SAMD11: variants seen among roughly 807,000 people sequenced by gnomAD.
SAMD11 encodes the protein sterile alpha motif domain containing 11, also known as sterile alpha motif domain-containing protein 11.
In SAMD11, 77 loss-of-function variants were observed where a neutral mutation model predicts 64.4. The observed-to-expected ratio is 1.20, with a 90% CI of 0.99 to 1.44. The LOEUF (loss-of-function observed/expected upper bound fraction) is 1.44. Ranked by LOEUF, SAMD11 falls within the 40% of genes most tolerant of loss-of-function variation. The pLI is 0.00. For synonymous variants in SAMD11, 658 were observed against 421.9 expected (o/e 1.56, Z -6.86); for missense variants, 1,402 against 943.3 (o/e 1.49, Z -6.37).
intron 5 of SAMD11, among the ~76,000 whole-genome samples, chr1:937,111 C>T (rs1641497319): frequency 6.6e-6 from 1 of 152,176 alleles, no homozygotes; most frequent in Non-Finnish European, 1.5e-5. Flanking sequence ...CCCATACGCA[C>T]TCCGTGTCAG....
chr1:935,544 G>A (rs1047675199), intron 4 of SAMD11, among the ~76,000 whole-genome samples: 18 of 152,218 alleles, frequency 1.2e-4, no homozygotes, highest in African/African-American at 3.1e-4. Context: ...TGGAGCAGCC[G>A]TGGGGTCCCA....
intron 1 of SAMD11, among the ~76,000 whole-genome samples, chr1:925,442 A>G (rs1640834477): frequency 6.6e-6 from 1 of 151,402 alleles, no homozygotes; most frequent in Non-Finnish European, 1.5e-5. Context: ...CAAGGGTGCG[A>G]CGCGGGGGCG....
intron 7 of SAMD11, among the ~76,000 whole-genome samples, chr1:940,114 A>G (rs527431467): frequency 2.3e-4 from 35 of 152,254 alleles, no homozygotes; most frequent in African/African-American, 8.2e-4. Flanking sequence ...GATTCCTCAC[A>G]CCAGGCACCG....
rs746467130 is a variant in SAMD11, at chr1:943,269, C to T, written c.2070C>T (p.Leu690=). 6.2e-7 allele frequency: 1 copy of T among 1,612,882 alleles called. No homozygotes were observed. Among genetic ancestry groups the T allele is most frequent in the East Asian group, 2.2e-5 (1 of 44,838 alleles). Residue 690 remains leucine (L), a synonymous_variant, in exon 12 of 14, where the codon CTC becomes CTT. Transcript: ENST00000616016. ...ACAACTCAGGCGCGGTAGGGGGACT[C>T]TCCATGGATGGGGAGGAGGCCCCAG... is the stretch of plus-strand genomic sequence containing the variant. ...PYFHTGAVGG[L]SMDGEEAPAP...
intron 5 of SAMD11, among the ~76,000 whole-genome samples, chr1:937,361 C>G (rs1641510304): frequency 2.0e-5 from 3 of 152,008 alleles, no homozygotes; most frequent in South Asian, 4.2e-4. Context: ...CCTCATCGGC[C>G]TTCCTGCGGT....
In SAMD11 at chr1:943,331, T is replaced by C. The variant is rs772197114; in HGVS notation, c.2132T>C (p.Val711Ala). ...EDVTKWTVDD[V>A]CSFVGGLSGC... Reference sequence around the variant, plus strand: ...GTCACCAAGTGGACCGTGGATGACGTCTGCAGCTTCGTGGGGGGCCTGTCT... The same window carrying C: ...GTCACCAAGTGGACCGTGGATGACGCCTGCAGCTTCGTGGGGGGCCTGTCT... The change falls in exon 12 of 14, where the codon GTC becomes GCC. Residue 711 changes from valine to alanine, a missense_variant. Val to Ala is a moderately conservative substitution (Grantham distance 64). Transcript: ENST00000616016. The C allele has an allele frequency of 4.5e-5, 72 of 1,604,484 alleles. No homozygotes were observed. Among genetic ancestry groups the C allele is most frequent in the Non-Finnish European group, 7.7e-6 (9 of 1,175,116 alleles).
rs1569899888 is a variant in SAMD11, at chr1:938,932, A to G, written c.968-108A>G. On this transcript the variant is annotated intron_variant, in intron 5 of 13. Transcript: ENST00000616016. Reference sequence around the variant, plus strand: ...GGCAAGGCCTGTACTCACCAGGACCAAGGGCCCCCTGAGAGATGGTGGGTG... The same window carrying G: ...GGCAAGGCCTGTACTCACCAGGACCGAGGGCCCCCTGAGAGATGGTGGGTG... The G allele has an allele frequency of 7.1e-6, 7 of 988,472 alleles. No homozygotes were observed. The East Asian group carries it at 1.8e-4, about 26-fold the overall frequency. The allele number at this position is 988,472 out of a possible 1,614,324, so 61.2% of individuals were successfully genotyped here.
chr1:944,236 T>C lies in SAMD11; in HGVS notation c.*83T>C, dbSNP rs920401695. On this transcript the variant is annotated 3_prime_UTR_variant, in exon 14 of 14. Coordinates refer to ENST00000616016, the MANE Select transcript of SAMD11 (RefSeq NM_001385641.1). Reference sequence around the variant, plus strand: ...ATGGCCCTGCCTCCCACCGCTTTATTTCTTTCGGTTTCGGATGCAAAACAA... The same window carrying C: ...ATGGCCCTGCCTCCCACCGCTTTATCTCTTTCGGTTTCGGATGCAAAACAA... 4 of 1,457,686 alleles carry C rather than the reference T, an allele frequency of 2.7e-6. No individual in the cohort carries two copies. The highest frequency in any genetic ancestry group is 2.9e-5 in the African/African-American group (2 of 69,798). 90.3% of individuals were successfully genotyped at this position (1,457,686 alleles called of 1,614,324 possible).
chr1:943,210 G>A (rs1484690771), intron 11 of SAMD11, 43 bp from the exon 12 acceptor site: 2 of 1,611,038 alleles, frequency 1.2e-6, no homozygotes, highest in Non-Finnish European at 1.7e-6. Flanking sequence ...GGGCGGGTAT[G>A]GGAAAGCCAG....
intron 1 of SAMD11, 48 bp from the exon 2 acceptor site, chr1:925,874 C>CAG: frequency 7.1e-7 from 1 of 1,408,584 alleles, no homozygotes; most frequent in Non-Finnish European, 1.0e-6. Context: ...TGACTGCGCG[C>CAG]AGAAGCGTGC....
chr1:942,191 C>A lies in SAMD11; in HGVS notation c.1414C>A (p.Leu472Met). The change falls in exon 9 of 14, where the codon CTG becomes ATG. Residue 472 changes from leucine to methionine, a missense_variant. Physicochemically the swap from Leu to Met is conservative, Grantham distance 15. Transcript: ENST00000616016. ...GCCGCAGAATGCCCCTCACGTCGCC[C>A]TGGGCCCCCATCTCAGGCCCCCCTT... The part of the protein sequence containing the change: ...LSPQNAPHVA[L>M]GPHLRPPFLG... The A allele has an allele frequency of 7.2e-7, 1 of 1,398,136 alleles. No homozygotes were observed. The highest frequency in any genetic ancestry group is 9.3e-7 in the Non-Finnish European group (1 of 1,075,266). 86.6% of individuals were successfully genotyped at this position (1,398,136 alleles called of 1,614,324 possible). A position where few individuals can be genotyped will look rare whatever the true frequency, so the allele number is the denominator to read the frequency against.
rs74047413 is a variant in SAMD11 at position 939,285 on chromosome 1, G to A, written c.1068G>A (p.Leu356=). 3.4e-3 allele frequency: 5,419 copies of A among 1,604,432 alleles called. 124 individuals are homozygous for A. The African/African-American group carries it at 0.054, about 16-fold the overall frequency. ...GGTCCTCCCCAGCAGAGGCGCTGCTGCTGCCGCGGGAGCTGGGGCCCAGCA... is the reference window on the plus strand; with the variant it reads ...GGTCCTCCCCAGCAGAGGCGCTGCTACTGCCGCGGGAGCTGGGGCCCAGCA... The part of the protein sequence containing the change: ...ARSESPQEAL[L]LPRELGPSMA... Residue 356 remains leucine (L), a synonymous_variant, in exon 7 of 14, where the codon CTG becomes CTA. Coordinates refer to ENST00000616016, the MANE Select transcript of SAMD11 (RefSeq NM_001385641.1).
In SAMD11 at chr1:942,121, C is replaced by A. The variant is rs1161641829; in HGVS notation, c.1359-15C>A. 3.9e-6 allele frequency: 4 copies of A among 1,027,270 alleles called. No homozygotes were observed. The highest frequency in any genetic ancestry group is 5.5e-6 in the Non-Finnish European group (4 of 732,444). 63.6% of individuals were successfully genotyped at this position (1,027,270 alleles called of 1,614,324 possible). Reference sequence around the variant, plus strand: ...GGGGCGGGGGGGACGCCGCTCATTGCGCTGCCGTCCACAGGGAGCTGCCTC... The same window carrying A: ...GGGGCGGGGGGGACGCCGCTCATTGAGCTGCCGTCCACAGGGAGCTGCCTC... On this transcript the variant is annotated splice_polypyrimidine_tract_variant and intron_variant, in intron 8 of 13. Transcript: ENST00000616016.
chr1:942,576 A>G lies in SAMD11; in HGVS notation c.1571A>G (p.Asp524Gly). 1.4e-6 allele frequency: 2 copies of G among 1,406,730 alleles called. No individual in the cohort carries two copies. Among genetic ancestry groups the G allele is most frequent in the Non-Finnish European group, 1.8e-6 (2 of 1,089,274 alleles). The allele number at this position is 1,406,730 out of a possible 1,614,324, so 87.1% of individuals were successfully genotyped here. Residue 524 changes from aspartate (D) to glycine (G), a missense_variant, in exon 11 of 14, where the codon GAC (aspartate) becomes GGC (glycine). By Grantham distance (94) the Asp-to-Gly change is moderately conservative (BLOSUM62 -1). Transcript: ENST00000616016. ...QNLARLELPA[D>G]LLRQKELESA... ...CGGCCCAGGCTGGAGCTGCCCGCCG[A>G]CCTCCTGCGGCAGAAGGAGCTGGAG...
At chr1:939,154 A>C in intron 6 of SAMD11, 25 bp downstream of exon 6, 1 of 1,563,866 alleles carries the variant, frequency 6.4e-7, no homozygotes, top group Non-Finnish European at 8.7e-7. Context: ...GGGACGAGAG[A>C]CAGGTCACCA....
rs200140498 is a variant in SAMD11 at position 925,935 on chromosome 1, G to A, written c.531G>A (p.Lys177=). Residue 177 remains lysine, a synonymous_variant, in exon 2 of 14, where the codon AAG becomes AAA. Coordinates refer to ENST00000616016, the MANE Select transcript of SAMD11 (RefSeq NM_001385641.1). ...CTCTGCTCGCAGGGAAAAGTCTGAA[G>A]ACGCTTATGTCCAAGGGGATCCTGC... The part of the protein sequence containing the change: ...RSIRHKGKSL[K]TLMSKGILQV... 9.7e-5 allele frequency: 157 copies of A among 1,611,456 alleles called. No homozygotes were observed. The East Asian group carries it at 2.6e-3, about 26-fold the overall frequency.
At chr1:933,657 G>T (rs991275510) in intron 4 of SAMD11, among the ~76,000 whole-genome samples, 1 of 152,174 alleles carries the variant, frequency 6.6e-6, no homozygotes, top group Non-Finnish European at 1.5e-5. Flanking sequence ...CCCCCGCGTC[G>T]ATTAGGATCA....
At chr1:928,145 G>A (rs1182989825) in intron 2 of SAMD11, among the ~76,000 whole-genome samples, 1 of 152,260 alleles carries the variant, frequency 6.6e-6, no homozygotes, top group African/African-American at 2.4e-5. Context: ...TGTAATCCCA[G>A]CACTTTGGGA....
intron 4 of SAMD11, 114 bp downstream of exon 4, chr1:931,203 T>C (rs2100310839): frequency 2.1e-6 from 2 of 953,166 alleles, no homozygotes; most frequent in Admixed American, 4.2e-5. Flanking sequence ...GCTGATGCTG[T>C]GATGCTGGCT....
Sources: allele counts gnomAD v4.1 joint callset (sites outside exome capture counted in the v4.1 genomes callset), GRCh38; gene constraint gnomAD v4.1.1; transcripts MANE v1.5; gene names NCBI Gene and HGNC (gene_info 2026-07-23, HGNC 2026-07-21).